The following TTC27 variants were observed in gnomAD, a reference collection of about 807,000 sequenced individuals.
TTC27 encodes tetratricopeptide repeat domain 27.
Under a neutral mutation model 115.9 loss-of-function variants are expected in TTC27, and 79 were observed. The ratio of observed to expected loss-of-function variants is 0.68; its 90% CI spans 0.57 to 0.82. The LOEUF (loss-of-function observed/expected upper bound fraction) is 0.82. TTC27 is among the 40% of genes least tolerant of loss of function. The pLI is 0.00. For synonymous variants in TTC27, 401 were observed against 356.0 expected (o/e 1.13, Z -1.42); for missense variants, 1,054 against 993.1 (o/e 1.06, Z -0.82).
chr2:32,702,972 CAGTA>C, intron 10 of TTC27, 52 bp downstream of exon 10: 1 of 1,231,090 alleles, frequency 8.1e-7, no homozygotes, highest in Non-Finnish European at 1.2e-6. Context: ...CTATTGCTAT[CAGTA>C]AGCATACATG....
chr2:32,773,366 G>A (rs1669891892), intron 13 of TTC27, among the ~76,000 whole-genome samples: 1 of 152,178 alleles, frequency 6.6e-6, no homozygotes, highest in African/African-American at 2.4e-5. Flanking sequence ...CACCTGACTA[G>A]CCCAATCAAG....
At chr2:32,771,065 T>A (rs1669813942) in intron 13 of TTC27, among the ~76,000 whole-genome samples, 2 of 152,328 alleles carry the variant, frequency 1.3e-5, no homozygotes, top group East Asian at 3.9e-4. Flanking sequence ...TAGGTGTGAC[T>A]GATGCATAGT....
In TTC27 at chr2:32,812,543, C is replaced by T. The variant is rs750155822; in HGVS notation, c.2236C>T (p.Gln746Ter). 1 of 1,613,918 alleles carries T rather than the reference C, an allele frequency of 6.2e-7. No individual in the cohort carries two copies. The highest frequency in any genetic ancestry group is 8.5e-7 in the Non-Finnish European group (1 of 1,179,946). The change falls in exon 18 of 20, where the codon CAG becomes TAG. Residue 746 changes from glutamine (Q) to a stop codon, truncating the protein, a stop_gained. Coordinates refer to ENST00000317907, the MANE Select transcript of TTC27 (RefSeq NM_017735.5). LOFTEE classifies it high-confidence loss of function. ...CTCAAAGGCATACAAGTGTGACACCCAGTCCAATTGTTGGGAGAAAGATAT... is the reference window on the plus strand; with the variant it reads ...CTCAAAGGCATACAAGTGTGACACCTAGTCCAATTGTTGGGAGAAAGATAT... ...CLSKAYKCDTQSNCWEKDITS... is the reference protein window; with the variant it reads ...CLSKAYKCDT
intron 9 of TTC27, among the ~76,000 whole-genome samples, chr2:32,698,283 C>T (rs1312079982): frequency 1.3e-5 from 2 of 151,902 alleles, no homozygotes; most frequent in Admixed American, 1.3e-4. Flanking sequence ...GCACATGCCA[C>T]CACACCCAGC....
rs866196364 is a variant in TTC27 at position 32,770,470 on chromosome 2, G to C, written c.1681-7412G>C. 3.3e-5 allele frequency among the ~76,000 whole-genome samples: 5 copies of C among 152,312 alleles called. No homozygotes were observed. The South Asian group carries it at 1.0e-3, about 32-fold the overall frequency. ...TATGCTAGGACGTAATGGCAGATTT[G>C]GTTGAGGTCAAGTTATAAAAAGCCC... On this transcript the variant is annotated intron_variant, in intron 13 of 19. Coordinates refer to ENST00000317907, the MANE Select transcript of TTC27 (RefSeq NM_017735.5).
At position 32,640,341 on chromosome 2, in the gene TTC27, G is replaced by A. The variant is rs764193355; in HGVS notation, c.468G>A (p.Ser156=). The change falls in exon 4 of 20, where the codon TCG becomes TCA. Residue 156 remains serine (S), a synonymous_variant. Transcript: ENST00000317907. ...LDGESIYSLT[S]KPILLLLARI... ...GTGAATCAATCTACAGCCTGACCTC[G>A]AAGCCTATACTACTGTTATTAGCAC... 26 of 1,613,822 alleles carry A rather than the reference G, an allele frequency of 1.6e-5. No homozygotes were observed. Among genetic ancestry groups the A allele is most frequent in the Non-Finnish European group, 2.1e-5 (25 of 1,179,952 alleles).
intron 3 of TTC27, among the ~76,000 whole-genome samples, chr2:32,639,810 C>T (rs1664571573): frequency 6.6e-6 from 1 of 152,162 alleles, no homozygotes; most frequent in African/African-American, 2.4e-5. Flanking sequence ...CGAGACCAAC[C>T]TGGCCAACAT....
intron 16 of TTC27, among the ~76,000 whole-genome samples, chr2:32,802,708 ATCT>A (rs1273963658): frequency 1.3e-5 from 2 of 151,986 alleles, no homozygotes; most frequent in African/African-American, 2.4e-5. Context: ...CTGCATCCTA[ATCT>A]TCTTTGCAGA....
At chr2:32,675,173 C>CA (rs1553548728) in intron 8 of TTC27, among the ~76,000 whole-genome samples, 1 of 152,122 alleles carries the variant, frequency 6.6e-6, no homozygotes, top group African/African-American at 2.4e-5. Flanking sequence ...AAACAAGGCT[C>CA]AAATAGCTAA....
intron 16 of TTC27, among the ~76,000 whole-genome samples, chr2:32,788,950 G>A (rs1478205666): frequency 1.3e-5 from 2 of 152,156 alleles, no homozygotes; most frequent in South Asian, 2.1e-4. Context: ...AGGGCTTGCC[G>A]TGTGTCTGAA....
At chr2:32,782,500 C>T (rs1482484110) in intron 14 of TTC27, 126 bp from the exon 15 acceptor site, 1 of 618,162 alleles carries the variant, frequency 1.6e-6, no homozygotes, top group Non-Finnish European at 2.7e-6. Flanking sequence ...TTTAAACACA[C>T]TCTTATTGAA....
rs1202390854 is a variant in TTC27 at position 32,713,181 on chromosome 2, A to G, written c.1233+10261A>G. ...CTTAGACTTCCCCGTCTCCAGAACT[A>G]TAAGAAATAAAATCTCTGCTCGTTA... On this transcript the variant is annotated intron_variant, in intron 10 of 19. Coordinates refer to ENST00000317907, the MANE Select transcript of TTC27 (RefSeq NM_017735.5). 2.6e-5 allele frequency among the ~76,000 whole-genome samples: 4 copies of G among 152,266 alleles called. No individual in the cohort carries two copies. The East Asian group carries it at 7.7e-4, about 29-fold the overall frequency.
In TTC27 at chr2:32,820,782, T is replaced by C. The variant is rs768856835; in HGVS notation, c.2410-34T>C. 4.0e-6 allele frequency: 6 copies of C among 1,502,252 alleles called. No individual in the cohort carries two copies. The South Asian group carries it at 7.9e-5, about 20-fold the overall frequency. The allele number at this position is 1,502,252 out of a possible 1,614,324, so 93.1% of individuals were successfully genotyped here. Reference sequence around the variant, plus strand: ...TTTTATTTTAAAGAAATTTGTGTTGTTTTAATACTTCTGCTTTGTTTTTTA... The same window carrying C: ...TTTTATTTTAAAGAAATTTGTGTTGCTTTAATACTTCTGCTTTGTTTTTTA... On this transcript the variant is annotated intron_variant, in intron 19 of 19. Transcript: ENST00000317907.
At chr2:32,654,594 G>C (rs927682141) in intron 5 of TTC27, among the ~76,000 whole-genome samples, 1 of 152,002 alleles carries the variant, frequency 6.6e-6, no homozygotes, top group South Asian at 2.1e-4. Flanking sequence ...GCAGTGATGC[G>C]ATCTAGACTC....
intron 8 of TTC27, among the ~76,000 whole-genome samples, chr2:32,672,690 G>T (rs764927921): frequency 9.2e-5 from 14 of 152,148 alleles, no homozygotes; most frequent in Non-Finnish European, 1.3e-4. Context: ...GAGATTTGAG[G>T]ATATTTACAT....
chr2:32,684,361 T>C (rs1174852754), intron 9 of TTC27, among the ~76,000 whole-genome samples: 2 of 151,946 alleles, frequency 1.3e-5, no homozygotes, highest in African/African-American at 4.8e-5. Flanking sequence ...TCTTTGCTAT[T>C]GTGAATAATG....
intron 10 of TTC27, among the ~76,000 whole-genome samples, chr2:32,710,569 A>T (rs1667540767): frequency 6.6e-6 from 1 of 151,122 alleles, no homozygotes; most frequent in South Asian, 2.1e-4. Context: ...AGCTTGGATT[A>T]CAGGCATATG....
intron 9 of TTC27, among the ~76,000 whole-genome samples, chr2:32,700,286 C>T (rs568293017): frequency 1.5e-3 from 222 of 152,288 alleles, no homozygotes; most frequent in African/African-American, 4.5e-3. Context: ...GAAAGTGAGA[C>T]ACCCAGGGAG....
At chr2:32,790,198 G>T (rs990158745) in intron 16 of TTC27, among the ~76,000 whole-genome samples, 1 of 151,754 alleles carries the variant, frequency 6.6e-6, no homozygotes, top group African/African-American at 2.4e-5. Flanking sequence ...ATTGTGTTCT[G>T]ATTCCAATGT....
Sources: allele counts gnomAD v4.1 joint callset (sites outside exome capture counted in the v4.1 genomes callset), GRCh38; gene constraint gnomAD v4.1.1; transcripts MANE v1.5; gene names NCBI Gene and HGNC (gene_info 2026-07-23, HGNC 2026-07-21).